The following MACROD2 variants were observed in gnomAD, a reference collection of about 807,000 sequenced individuals.
The protein encoded by MACROD2 is ADP-ribose glycohydrolase MACROD2.
Under a neutral mutation model 70.4 loss-of-function variants are expected in MACROD2, and 36 were observed. The ratio of observed to expected loss-of-function variants is 0.51; its 90% CI spans 0.39 to 0.68. The LOEUF (loss-of-function observed/expected upper bound fraction) is 0.68, where lower values mean the gene tolerates loss of function less well. Ranked by LOEUF, MACROD2 falls within the 30% of genes least tolerant of loss-of-function variation. The pLI is 0.00. For missense variants in MACROD2, 496 were observed against 538.4 expected, an observed-to-expected ratio of 0.92 and a Z score of 0.78; for synonymous variants, 172 against 178.8, an observed-to-expected ratio of 0.96 and a Z score of 0.30.
At chr20:14,310,609 A>G (rs1203339776) in intron 3 of MACROD2, among the ~76,000 whole-genome samples, 1 of 152,192 alleles carries the variant, frequency 6.6e-6, no homozygotes, top group Non-Finnish European at 1.5e-5. Context: ...TTATGTATTT[A>G]CTATACTTTT....
intron 8 of MACROD2, among the ~76,000 whole-genome samples, chr20:15,585,935 T>C (rs6043377): frequency 0.085 from 12,992 of 152,132 alleles, 1,830 homozygotes; most frequent in African/African-American, 0.29. Flanking sequence ...TTAACCAAAG[T>C]GAGAATTTAG....
intron 6 of MACROD2, among the ~76,000 whole-genome samples, chr20:15,276,877 A>G (rs536918463): frequency 2.6e-5 from 4 of 152,208 alleles, no homozygotes; most frequent in Non-Finnish European, 5.9e-5. Flanking sequence ...TAGTCTTTCA[A>G]TGCACTCAGT....
chr20:14,137,387 G>A (rs965074252), intron 3 of MACROD2, among the ~76,000 whole-genome samples: 5 of 152,128 alleles, frequency 3.3e-5, no homozygotes, highest in Non-Finnish European at 7.3e-5. Context: ...CATCCAGTGA[G>A]TTTTATACTT....
intron 5 of MACROD2, among the ~76,000 whole-genome samples, chr20:15,176,534 C>T (rs1005990798): frequency 5.3e-5 from 8 of 152,116 alleles, no homozygotes; most frequent in South Asian, 2.1e-4. Flanking sequence ...CTACTGCCTA[C>T]GAGTCTCCTC....
intron 8 of MACROD2, among the ~76,000 whole-genome samples, chr20:15,710,505 G>A (rs1274142474): frequency 6.6e-6 from 1 of 152,144 alleles, no homozygotes; most frequent in East Asian, 1.9e-4. Flanking sequence ...TCTCCATTAA[G>A]CATGTTATAT....
At chr20:15,794,250 T>C (rs993732407) in intron 8 of MACROD2, among the ~76,000 whole-genome samples, 1 of 152,282 alleles carries the variant, frequency 6.6e-6, no homozygotes, top group Middle Eastern at 3.4e-3. Context: ...TTTTAGCAAG[T>C]CATATTCCTG....
chr20:14,745,572 C>T (rs531654433), intron 5 of MACROD2, among the ~76,000 whole-genome samples: 30 of 152,296 alleles, frequency 2.0e-4, no homozygotes, highest in African/African-American at 6.7e-4. Context: ...CCGCTTTTTA[C>T]TAGGTTATTT....
At chr20:14,241,756 C>T (rs115273060) in intron 3 of MACROD2, among the ~76,000 whole-genome samples, 1,777 of 152,008 alleles carry the variant, frequency 0.012, 31 homozygotes, top group African/African-American at 0.041. Flanking sequence ...AAGGAGGGGC[C>T]CTGTAGCAGA....
intron 4 of MACROD2, among the ~76,000 whole-genome samples, chr20:14,500,012 A>G (rs1309822534): frequency 6.6e-6 from 1 of 152,184 alleles, no homozygotes; most frequent in East Asian, 1.9e-4. Context: ...TCAACAGCTT[A>G]TAGTGGTCAG....
chr20:14,960,893 C>T (rs551801874), intron 5 of MACROD2, among the ~76,000 whole-genome samples: 3 of 152,060 alleles, frequency 2.0e-5, no homozygotes, highest in East Asian at 1.9e-4. Context: ...GGGTGAACAG[C>T]GATTAAAATA....
rs967284621 is a variant in MACROD2, at chr20:14,877,131, T to C, written c.418+192172T>C. Among the ~76,000 whole-genome samples, 36 of 152,320 alleles carry C rather than the reference T, an allele frequency of 2.4e-4. 1 individual carries two copies. The highest frequency in any genetic ancestry group is 2.1e-3 in the Admixed American group (32 of 15,298). ...CTGTTTGTGTCATCTGTGATTACTT[T>C]CAGCAGGCTTTTGTAGTTCTCCTTG... On this transcript the variant is annotated intron_variant, in intron 5 of 17. Coordinates refer to ENST00000684519, the MANE Select transcript of MACROD2 (RefSeq NM_001351661.2).
At chr20:15,965,595 AT>A (rs1389977379) in intron 12 of MACROD2, among the ~76,000 whole-genome samples, 1 of 152,162 alleles carries the variant, frequency 6.6e-6, no homozygotes, top group Non-Finnish European at 1.5e-5. Context: ...ATATCAAATA[AT>A]ATAATTTTTA....
At chr20:15,843,225 T>G (rs1185224599) in intron 8 of MACROD2, among the ~76,000 whole-genome samples, 1 of 152,180 alleles carries the variant, frequency 6.6e-6, no homozygotes, top group Non-Finnish European at 1.5e-5. Flanking sequence ...TCATCACCAT[T>G]TCCCTATTCT....
intron 15 of MACROD2, among the ~76,000 whole-genome samples, chr20:15,998,392 G>T (rs564848179): frequency 6.6e-6 from 1 of 151,840 alleles, no homozygotes; most frequent in East Asian, 1.9e-4. Context: ...CTGTTTCTTC[G>T]TGATTCAGCC....
At chr20:14,855,674 A>G (rs112962079) in intron 5 of MACROD2, among the ~76,000 whole-genome samples, 1 of 144,044 alleles carries the variant, frequency 6.9e-6, no homozygotes, top group African/African-American at 2.6e-5. Context: ...CTGGCATACA[A>G]TGGCTTATTG....
intron 5 of MACROD2, among the ~76,000 whole-genome samples, chr20:14,942,770 AAAAG>A (rs1359187131): frequency 4.5e-5 from 2 of 44,150 alleles, no homozygotes; most frequent in Non-Finnish European, 9.7e-5. Context: ...ATATGAGCCT[AAAAG>A]CCTAAATTTT....
At chr20:14,158,130 A>T (rs1410333996) in intron 3 of MACROD2, among the ~76,000 whole-genome samples, 1 of 152,100 alleles carries the variant, frequency 6.6e-6, no homozygotes, top group South Asian at 2.1e-4. Context: ...TTGGGGTAAG[A>T]TGATAGGTAT....
intron 8 of MACROD2, among the ~76,000 whole-genome samples, chr20:15,848,850 C>G (rs1042010512): frequency 1.3e-5 from 2 of 152,092 alleles, no homozygotes; most frequent in Non-Finnish European, 2.9e-5. Context: ...ATATGACAGA[C>G]CTTTTCTCAT....
chr20:14,653,017 C>T (rs1364547124), intron 4 of MACROD2, among the ~76,000 whole-genome samples: 1 of 152,144 alleles, frequency 6.6e-6, no homozygotes, highest in African/African-American at 2.4e-5. Context: ...CGTGTATACC[C>T]TTGGTTAAGC....
Sources: allele counts gnomAD v4.1 joint callset (sites outside exome capture counted in the v4.1 genomes callset), GRCh38; gene constraint gnomAD v4.1.1; transcripts MANE v1.5; gene names NCBI Gene and HGNC (gene_info 2026-07-23, HGNC 2026-07-21).